The following AKR1B15 variants were observed in gnomAD, a reference collection of about 807,000 sequenced individuals.
AKR1B15 encodes aldo-keto reductase family 1 member B15, also known as estradiol 17-beta-dehydrogenase AKR1B15.
AKR1B15 carries 49 observed loss-of-function variants against 38.5 expected under a neutral mutation model. That is an observed-to-expected ratio of 1.27 (90% CI 1.01 to 1.62). The LOEUF (loss-of-function observed/expected upper bound fraction) is 1.62, where lower values mean the gene tolerates loss of function less well. Ranked by LOEUF, AKR1B15 falls within the 40% of genes most tolerant of loss-of-function variation. The probability of loss-of-function intolerance (pLI) is 0.00; values close to 1 mark genes in which losing one functional copy is unlikely to be tolerated. For missense variants in AKR1B15, 411 were observed against 381.6 expected (o/e 1.08, Z -0.64); for synonymous variants, 137 against 135.5 (o/e 1.01, Z -0.08).
At chr7:134,556,492 AC>A (rs1458794918) in intron 1 of AKR1B15, among the ~76,000 whole-genome samples, 4 of 152,136 alleles carry the variant, frequency 2.6e-5, no homozygotes, top group African/African-American at 9.7e-5. Flanking sequence ...GCAAGGTATA[AC>A]TTACCTGCTT....
intron 1 of AKR1B15, among the ~76,000 whole-genome samples, chr7:134,552,063 G>T (rs1794002137): frequency 6.6e-6 from 1 of 152,116 alleles, no homozygotes; most frequent in Non-Finnish European, 1.5e-5. Flanking sequence ...CTGAGTAAAG[G>T]GCTACTGGAG....
chr7:134,572,728 T>C (rs199718899), intron 6 of AKR1B15, among the ~76,000 whole-genome samples: 1 of 151,916 alleles, frequency 6.6e-6, no homozygotes, highest in East Asian at 1.9e-4. Context: ...ATATTGAAAA[T>C]GAATTAAGGG....
chr7:134,578,199 A>C (rs539651336), intron 11 of AKR1B15, among the ~76,000 whole-genome samples: 1 of 152,206 alleles, frequency 6.6e-6, no homozygotes, highest in Non-Finnish European at 1.5e-5. Flanking sequence ...AACTCAAAAT[A>C]TTGATGTCAG....
chr7:134,553,206 C>T (rs981731212), intron 1 of AKR1B15, among the ~76,000 whole-genome samples: 5 of 152,126 alleles, frequency 3.3e-5, no homozygotes, highest in African/African-American at 7.2e-5. Flanking sequence ...GGGATATGGT[C>T]GCCTATAGAT....
chr7:134,578,750 T>A (rs1320526271), intron 11 of AKR1B15, among the ~76,000 whole-genome samples: 1 of 152,256 alleles, frequency 6.6e-6, no homozygotes, highest in East Asian at 1.9e-4. Context: ...GTCATGATAT[T>A]CCATATCTAT....
intron 2 of AKR1B15, among the ~76,000 whole-genome samples, chr7:134,562,310 A>T (rs1244488441): frequency 1.3e-5 from 2 of 152,210 alleles, no homozygotes; most frequent in Non-Finnish European, 2.9e-5. Context: ...ACATCCTGTA[A>T]GGGTACCTAA....
intron 2 of AKR1B15, among the ~76,000 whole-genome samples, chr7:134,559,610 G>A (rs969539505): frequency 5.9e-5 from 9 of 152,032 alleles, no homozygotes; most frequent in African/African-American, 2.2e-4. Context: ...ACTACTCTTC[G>A]TTCATTTTTC....
rs183985912 is a variant in AKR1B15 at position 134,572,652 on chromosome 7, A to C, written c.513+971A>C. 1.3e-4 allele frequency among the ~76,000 whole-genome samples: 19 copies of C among 151,984 alleles called. No homozygotes were observed. In the Middle Eastern group the frequency reaches 0.01, roughly 82 times the overall value. The stretch of plus-strand genomic sequence containing the variant: ...TGAAGAAAAAAAAAAAAAAGAAAAA[A>C]GAAAATCAGGGAGCCTGAGTGCCCT... On this transcript the variant is annotated intron_variant, in intron 6 of 11. Transcript: ENST00000457545.
intron 2 of AKR1B15, among the ~76,000 whole-genome samples, chr7:134,558,432 A>C (rs1007966974): frequency 7.2e-5 from 11 of 152,184 alleles, no homozygotes; most frequent in Non-Finnish European, 1.6e-4. Flanking sequence ...TCATACCCAG[A>C]TTTGAACTAA....
intron 2 of AKR1B15, among the ~76,000 whole-genome samples, chr7:134,561,715 C>T (rs1266794985): frequency 6.6e-6 from 1 of 152,100 alleles, no homozygotes; most frequent in South Asian, 2.1e-4. Flanking sequence ...CCACTACCGG[C>T]AGGCTGAAAC....
At chr7:134,558,712 A>G (rs2117628220) in intron 2 of AKR1B15, among the ~76,000 whole-genome samples, 1 of 152,328 alleles carries the variant, frequency 6.6e-6, no homozygotes, top group African/African-American at 2.4e-5. Context: ...GAAACGCTCT[A>G]TGGAATGCCC....
chr7:134,569,609 G>GA, intron 5 of AKR1B15, 80 bp downstream of exon 5: 1 of 1,417,866 alleles, frequency 7.1e-7, no homozygotes, highest in Non-Finnish European at 9.9e-7. Context: ...GAGACTGGCT[G>GA]AAGCCATGGC....
At chr7:134,561,007 A>G (rs1250430253) in intron 2 of AKR1B15, among the ~76,000 whole-genome samples, 2 of 152,176 alleles carry the variant, frequency 1.3e-5, no homozygotes, top group Non-Finnish European at 2.9e-5. Flanking sequence ...TTACTGTGGC[A>G]TGCATACTCC....
rs2117671112 is a variant in AKR1B15 at position 134,575,895 on chromosome 7, C to T, written c.711C>T (p.Ala237=). The T allele has an allele frequency of 6.2e-7, 1 of 1,613,754 alleles. No homozygotes were observed. The highest frequency in any genetic ancestry group is 1.1e-5 in the South Asian group (1 of 91,058). Residue 237 remains alanine (A), a synonymous_variant, in exon 8 of 12, where the codon GCC becomes GCT. Coordinates refer to ENST00000457545, the MANE Select transcript of AKR1B15 (RefSeq NM_001080538.3). The part of the protein sequence containing the change: ...YCHSKGITVT[A]YSPLGSPDRP... ...ACTCCAAGGGCATCACCGTTACGGCCTACAGCCCCCTGGGCTCTCCGGATA... is the reference window on the plus strand; with the variant it reads ...ACTCCAAGGGCATCACCGTTACGGCTTACAGCCCCCTGGGCTCTCCGGATA...
At chr7:134,550,447 T>C (rs371612121) in intron 1 of AKR1B15, among the ~76,000 whole-genome samples, 1 of 152,244 alleles carries the variant, frequency 6.6e-6, no homozygotes, top group South Asian at 2.1e-4. Flanking sequence ...CCAAAGTTAT[T>C]TGGGATATAA....
chr7:134,562,772 C>T (rs991010033), intron 2 of AKR1B15, among the ~76,000 whole-genome samples: 3 of 152,078 alleles, frequency 2.0e-5, no homozygotes, highest in African/African-American at 7.2e-5. Context: ...GTTGGCCAGG[C>T]TTCTTTCTTA....
chr7:134,577,682 A>T, intron 10 of AKR1B15, 22 bp from the exon 11 acceptor site: 4 of 1,611,400 alleles, frequency 2.5e-6, no homozygotes, highest in Non-Finnish European at 3.4e-6. Context: ...CCGATAATGT[A>T]TTGGAATTCT....
At chr7:134,561,257 A>C (rs1794381970) in intron 2 of AKR1B15, among the ~76,000 whole-genome samples, 3 of 152,206 alleles carry the variant, frequency 2.0e-5, no homozygotes, top group Non-Finnish European at 4.4e-5. Flanking sequence ...TCTGTCACCC[A>C]GGCTGGATTC....
intron 11 of AKR1B15, among the ~76,000 whole-genome samples, chr7:134,578,146 C>T (rs773643808): frequency 6.6e-6 from 1 of 152,244 alleles, no homozygotes; most frequent in Non-Finnish European, 1.5e-5. Flanking sequence ...GCTGCCTCCA[C>T]AGGCTTAGGG....
Sources: gnomAD v4.1 joint callset for allele counts (sites outside exome capture counted in the v4.1 genomes callset) on GRCh38, gnomAD v4.1.1 for gene constraint, MANE v1.5 for transcripts, NCBI Gene and HGNC (gene_info 2026-07-23, HGNC 2026-07-21) for gene names.